Variants in BBS5 observed in about 807,000 individuals in gnomAD.
BBS5 encodes the protein Bardet-Biedl syndrome 5.
In BBS5, 39 loss-of-function variants were observed where a neutral mutation model predicts 50.2. The observed-to-expected ratio is 0.78, with a 90% CI of 0.60 to 1.01. The LOEUF is 1.01. BBS5 is among the 50% of genes least tolerant of loss of function. The pLI is 0.00. For synonymous variants in BBS5, 134 were observed against 133.1 expected (o/e 1.01, Z -0.05); for missense variants, 356 against 401.5 (o/e 0.89, Z 0.97).
At chr2:169,500,744 T>C (rs146354355) in intron 9 of BBS5, among the ~76,000 whole-genome samples, 21 of 152,366 alleles carry the variant, frequency 1.4e-4, no homozygotes, top group Non-Finnish European at 2.5e-4. Flanking sequence ...TCCTTCTAGC[T>C]AAAACTTGCA....
intron 7 of BBS5, among the ~76,000 whole-genome samples, chr2:169,494,446 G>A (rs1683657829): frequency 6.6e-6 from 1 of 152,064 alleles, no homozygotes; most frequent in Non-Finnish European, 1.5e-5. Context: ...GCTGGGCATG[G>A]TGGCTTATTC....
chr2:169,493,124 G>A (rs2105297881), intron 6 of BBS5, 115 bp downstream of exon 6: 2 of 1,269,792 alleles, frequency 1.6e-6, no homozygotes, highest in Admixed American at 1.7e-5. Context: ...TTATAGGAAA[G>A]CGTATTACTT....
chr2:169,503,491 A>G (rs908709199), intron 10 of BBS5, among the ~76,000 whole-genome samples: 2 of 152,174 alleles, frequency 1.3e-5, no homozygotes, highest in Admixed American at 1.3e-4. Context: ...GCAAAAATCC[A>G]TTTCTATAAA....
At chr2:169,499,461 T>A (rs187294562) in intron 8 of BBS5, 25 bp from the exon 9 acceptor site, 1 of 1,607,684 alleles carries the variant, frequency 6.2e-7, no homozygotes, top group African/African-American at 1.3e-5. Flanking sequence ...TGTTGGGTTT[T>A]TTTTTATTAT....
rs531816549 is a variant in BBS5, at chr2:169,493,977, C to T, written c.618+141C>T. ...TAGCTGAGAGCATATTTTAAAGATG[C>T]TGATAATTTACTATGAAATATTTCA... On this transcript the variant is annotated intron_variant, in intron 7 of 11. Coordinates refer to ENST00000295240, the MANE Select transcript of BBS5 (RefSeq NM_152384.3). 1.5e-3 allele frequency: 947 copies of T among 617,370 alleles called. 6 individuals carry two copies. The highest frequency in any genetic ancestry group is 7.8e-3 in the South Asian group (375 of 48,080). 38.2% of individuals were successfully genotyped at this position (617,370 alleles called of 1,614,324 possible).
chr2:169,490,539 C>T (rs1683578389), intron 5 of BBS5, among the ~76,000 whole-genome samples: 2 of 152,012 alleles, frequency 1.3e-5, no homozygotes, highest in Non-Finnish European at 2.9e-5. Context: ...CTTAATTATA[C>T]CCTTAGCTGT....
rs1243348956 is a variant in BBS5, at chr2:169,503,106, C to T, written c.828C>T (p.Leu276=). The change falls in exon 10 of 12, where the codon CTC becomes CTT. Residue 276 remains leucine, a synonymous_variant. Coordinates refer to ENST00000295240, the MANE Select transcript of BBS5 (RefSeq NM_152384.3). ...DYEMEEKPQP[L]EALTVEQIQD... is the part of the protein sequence containing the mutation. ...CTGCTGATTTTCAGCCCCAGCCGCT[C>T]GAAGCTCTGACAGTCGAACAAATTC... 4 of 1,613,434 alleles carry T rather than the reference C, an allele frequency of 2.5e-6. No individual in the cohort carries two copies. The highest frequency in any genetic ancestry group is 2.7e-5 in the African/African-American group (2 of 74,894).
At chr2:169,488,832 G>T (rs562778197) in intron 5 of BBS5, among the ~76,000 whole-genome samples, 1 of 152,146 alleles carries the variant, frequency 6.6e-6, no homozygotes, top group Admixed American at 6.5e-5. Flanking sequence ...ACCAAGGTAG[G>T]TAAAGTGAAA....
At position 169,498,830 on chromosome 2, in the gene BBS5, G is replaced by A. The variant is rs114184823; in HGVS notation, c.682-656G>A. Among the ~76,000 whole-genome samples, 1,242 of 150,902 alleles carry A rather than the reference G, an allele frequency of 8.2e-3. 24 individuals carry two copies. The highest frequency in any genetic ancestry group is 0.028 in the African/African-American group (1,168 of 41,086). On this transcript the variant is annotated intron_variant, in intron 8 of 11. Transcript: ENST00000295240. ...TCAAAAAAAAAAAAAAAAAAGAAAGGAAGGTTAAGGAAAGTTTCTAAGTAT... is the reference window on the plus strand; with the variant it reads ...TCAAAAAAAAAAAAAAAAAAGAAAGAAAGGTTAAGGAAAGTTTCTAAGTAT...
intron 1 of BBS5, among the ~76,000 whole-genome samples, chr2:169,481,938 C>T (rs1042028431): frequency 2.6e-5 from 4 of 152,152 alleles, no homozygotes; most frequent in African/African-American, 9.7e-5. Context: ...GCTTGGCCAG[C>T]CTTCTCCCAT....
chr2:169,487,971 A>C lies in BBS5; in HGVS notation c.259-16A>C. The C allele has an allele frequency of 6.2e-7, 1 of 1,613,098 alleles. No homozygotes were observed. The highest frequency in any genetic ancestry group is 8.5e-7 in the Non-Finnish European group (1 of 1,179,282). On this transcript the variant is annotated splice_polypyrimidine_tract_variant and intron_variant, in intron 4 of 11. Coordinates refer to ENST00000295240, the MANE Select transcript of BBS5 (RefSeq NM_152384.3). ...GCTCTTAAAATCTGAACTTTTAAAT[A>C]AATTTGTCCTTACAGAAATTACGAG...
chr2:169,498,487 T>C (rs1683734986), intron 8 of BBS5, among the ~76,000 whole-genome samples: 1 of 152,060 alleles, frequency 6.6e-6, no homozygotes, highest in Non-Finnish European at 1.5e-5. Flanking sequence ...ATATGACAAC[T>C]GGATAACCAT....
At position 169,497,564 on chromosome 2, in the gene BBS5, G is replaced by A. The variant is rs920520109; in HGVS notation, c.619-63G>A. The A allele has an allele frequency of 4.1e-6, 4 of 980,248 alleles. No homozygotes were observed. In the African/African-American group the frequency reaches 4.8e-5, roughly 12 times the overall value. The allele number at this position is 980,248 out of a possible 1,614,324, so 60.7% of individuals were successfully genotyped here. A position where few individuals can be genotyped will look rare whatever the true frequency, so the allele number is the denominator to read the frequency against. Reference sequence around the variant, plus strand: ...ATACTGTGTAAAGTTTAAAAACTGAGTTAAAGAGTCACTATTCAGTTAATA... The same window carrying A: ...ATACTGTGTAAAGTTTAAAAACTGAATTAAAGAGTCACTATTCAGTTAATA... On this transcript the variant is annotated intron_variant, in intron 7 of 11. Transcript: ENST00000295240.
In BBS5 at chr2:169,492,915, G is replaced by A. The variant is rs754764547; in HGVS notation, c.428G>A (p.Arg143Lys). Residue 143 changes from arginine (R) to lysine (K), a missense_variant, in exon 6 of 12, where the codon AGA (arginine) becomes AAA (lysine). Transcript: ENST00000295240. ...AAAATGTATCGTGATTTTAAATTAA[G>A]AAGTGCACTAATTCAGAACAAGCAA... Reference protein sequence around the residue: ...TSKMYRDFKLRSALIQNKQLR... With the variant: ...TSKMYRDFKLKSALIQNKQLR... 4.3e-6 allele frequency: 7 copies of A among 1,612,382 alleles called. No homozygotes were observed. Among genetic ancestry groups the A allele is most frequent in the Admixed American group, 1.7e-5 (1 of 59,972 alleles).
intron 5 of BBS5, among the ~76,000 whole-genome samples, chr2:169,491,079 T>C (rs1232334866): frequency 6.6e-6 from 1 of 152,170 alleles, no homozygotes; most frequent in Non-Finnish European, 1.5e-5. Context: ...TGATGGACAT[T>C]TGGGTTTTTT....
intron 9 of BBS5, among the ~76,000 whole-genome samples, chr2:169,499,839 C>A (rs559965218): frequency 6.6e-6 from 1 of 152,344 alleles, no homozygotes. Flanking sequence ...GCCCCGCATA[C>A]CTGCCCTTGT....
At chr2:169,497,574 C>T (rs1293165100) in intron 7 of BBS5, 53 bp from the exon 8 acceptor site, 5 of 1,036,910 alleles carry the variant, frequency 4.8e-6, no homozygotes, top group Non-Finnish European at 6.1e-6. Flanking sequence ...GTTAAAGAGT[C>T]ACTATTCAGT....
intron 7 of BBS5, among the ~76,000 whole-genome samples, 199 bp downstream of exon 7, chr2:169,494,035 G>C (rs1683651214): frequency 6.6e-6 from 1 of 152,164 alleles, no homozygotes; most frequent in African/African-American, 2.4e-5. Flanking sequence ...CTGCATTCCA[G>C]AGAAGCAGCA....
At chr2:169,489,899 A>G (rs1171725153) in intron 5 of BBS5, among the ~76,000 whole-genome samples, 1 of 77,562 alleles carries the variant, frequency 1.3e-5, no homozygotes, top group African/African-American at 6.7e-5. Flanking sequence ...TTTTAGAGAC[A>G]GAGTCTTGCT....
Sources: allele counts gnomAD v4.1 joint callset (sites outside exome capture counted in the v4.1 genomes callset), GRCh38; gene constraint gnomAD v4.1.1; transcripts MANE v1.5; gene names NCBI Gene and HGNC (gene_info 2026-07-23, HGNC 2026-07-21).